Variants in ABL2 observed in about 807,000 individuals in gnomAD.
ABL2 encodes ABL proto-oncogene 2, non-receptor tyrosine kinase, also known as tyrosine-protein kinase ABL2.
In ABL2, 49 loss-of-function variants were observed where a neutral mutation model predicts 107.7. The observed-to-expected ratio is 0.45, with a 90% CI of 0.36 to 0.58. The LOEUF (loss-of-function observed/expected upper bound fraction) is 0.58. Among genes scored for constraint, ABL2 ranks in the 20% least tolerant of loss-of-function variants. ABL2 has a pLI of 0.00. For synonymous variants in ABL2, 549 were observed against 548.6 expected (o/e 1.00, Z -0.01); for missense variants, 1,245 against 1,457.0 (o/e 0.85, Z 2.37).
chr1:179,184,542 G>T, intron 1 of ABL2: 2 of 581,142 alleles, frequency 3.4e-6, no homozygotes, highest in South Asian at 1.9e-5. Flanking sequence ...CTTGGTTACC[G>T]ACTGATATGG....
chr1:179,114,741 AT>A, intron 9 of ABL2, 136 bp downstream of exon 9: 1 of 875,868 alleles, frequency 1.1e-6, no homozygotes, highest in Non-Finnish European at 1.6e-6. Flanking sequence ...CAACTGGCTG[AT>A]CAATGATAAA....
intron 7 of ABL2, among the ~76,000 whole-genome samples, chr1:179,118,134 T>C (rs934838153): frequency 1.3e-5 from 2 of 148,696 alleles, no homozygotes; most frequent in Admixed American, 1.4e-4. Context: ...GCCTGGGCGA[T>C]GGAGCCAGCC....
intron 1 of ABL2, among the ~76,000 whole-genome samples, chr1:179,174,895 C>CAAAA (rs1161355678): frequency 3.0e-5 from 1 of 33,692 alleles, no homozygotes; most frequent in Non-Finnish European, 6.2e-5. Flanking sequence ...GACTCTGTCT[C>CAAAA]AAAAAAAAAA....
intron 1 of ABL2, among the ~76,000 whole-genome samples, chr1:179,143,686 A>G (rs1308125449): frequency 6.6e-6 from 1 of 152,194 alleles, no homozygotes; most frequent in Non-Finnish European, 1.5e-5. Flanking sequence ...TTATTTACTT[A>G]TTTATTTTTA....
chr1:179,187,888 A>C (rs1389732450), intron 1 of ABL2, among the ~76,000 whole-genome samples: 1 of 151,952 alleles, frequency 6.6e-6, no homozygotes, highest in Non-Finnish European at 1.5e-5. Flanking sequence ...AACCCTATAA[A>C]CTCTCCAAAA....
At chr1:179,187,452 A>C (rs1486505340) in intron 1 of ABL2, among the ~76,000 whole-genome samples, 2 of 152,208 alleles carry the variant, frequency 1.3e-5, no homozygotes, top group African/African-American at 4.8e-5. Context: ...GGGAGGAAAA[A>C]ATAGTACCCA....
chr1:179,102,766 TCA>T lies in ABL2; in HGVS notation c.*4950_*4951del. On this transcript the variant is annotated 3_prime_UTR_variant, in exon 12 of 12. Coordinates refer to ENST00000502732, the MANE Select transcript of ABL2 (RefSeq NM_007314.4). ...GGTCATAATGAAATGTAGCTATAAT[TCA>T]GAAGTGGCCACCAAGGCAATTTACT... 1 of 229,706 alleles carries T rather than the reference TCA, an allele frequency of 4.4e-6. No individual in the cohort carries two copies. Among genetic ancestry groups the T allele is most frequent in the Non-Finnish European group, 8.6e-6 (1 of 115,934 alleles). 14.2% of individuals were successfully genotyped at this position (229,706 alleles called of 1,614,324 possible).
chr1:179,215,656 C>A lies in ABL2; in HGVS notation c.157+13585G>T, dbSNP rs1178159298. On this transcript the variant is annotated intron_variant, in intron 1 of 11. Transcript: ENST00000502732. ...GTTGTAGTGAGCTGAGATCATGCCA[C>A]TGCACTCCAGCCTGGGCAACAGAGC... Among the ~76,000 whole-genome samples the A allele has an allele frequency of 2.0e-5, 3 of 151,772 alleles. No individual in the cohort carries two copies. In the East Asian group the frequency reaches 5.8e-4, roughly 30 times the overall value.
At chr1:179,225,858 G>A (rs1248922027) in intron 1 of ABL2, among the ~76,000 whole-genome samples, 1 of 151,766 alleles carries the variant, frequency 6.6e-6, no homozygotes, top group Non-Finnish European at 1.5e-5. Flanking sequence ...TGGCTAACAC[G>A]GTGAAACCCT....
intron 1 of ABL2, among the ~76,000 whole-genome samples, chr1:179,161,370 A>AG (rs397781028): frequency 2.0e-5 from 3 of 151,020 alleles, no homozygotes; most frequent in Non-Finnish European, 4.4e-5. Context: ...AAAAAAAAAA[A>AG]GGAAAAACAG....
At position 179,110,318 on chromosome 1, in the gene ABL2, C is replaced by T. The variant is rs1653924344; in HGVS notation, c.1789G>A (p.Asp597Asn). ...ENKENIEGAQ[D>N]ATENSASSLA... ...CTGGAAGCAGAATTTTCTGTGGCAT[C>T]TTGTGCCCCTTCAATGTTCTCCTTG... Residue 597 changes from aspartate (D) to asparagine (N), a missense_variant, in exon 11 of 12, where the codon GAT becomes AAT. Asp to Asn is a conservative substitution (Grantham distance 23). This residue lies in a region of ABL2 where 761 missense variants were observed against 766.4 expected (regional missense o/e 0.99). Transcript: ENST00000502732. 3 of 1,614,222 alleles carry T rather than the reference C, an allele frequency of 1.9e-6. No individual in the cohort carries two copies. Among genetic ancestry groups the T allele is most frequent in the Non-Finnish European group, 2.5e-6 (3 of 1,180,042 alleles).
intron 1 of ABL2, among the ~76,000 whole-genome samples, chr1:179,186,841 A>T (rs770918788): frequency 6.6e-6 from 1 of 151,734 alleles, no homozygotes; most frequent in Admixed American, 6.6e-5. Context: ...GGTTCAAGCA[A>T]TTCTTAGGCC....
chr1:179,215,515 C>T (rs1662512478), intron 1 of ABL2, among the ~76,000 whole-genome samples: 1 of 152,060 alleles, frequency 6.6e-6, no homozygotes, highest in Admixed American at 6.6e-5. Flanking sequence ...GGGTGGATCA[C>T]TTGAGGCCTG....
chr1:179,156,865 G>GA (rs1390996847), intron 1 of ABL2, among the ~76,000 whole-genome samples: 1 of 149,980 alleles, frequency 6.7e-6, no homozygotes, highest in Non-Finnish European at 1.5e-5. Context: ...GCAACAGAGT[G>GA]AGTGAGAGTC....
At position 179,167,051 on chromosome 1, in the gene ABL2, G is replaced by T. The variant is rs1571234686; in HGVS notation, c.158-33677C>A. Among the ~76,000 whole-genome samples, 3 of 152,102 alleles carry T rather than the reference G, an allele frequency of 2.0e-5. No individual in the cohort carries two copies. In the East Asian group the frequency reaches 5.8e-4, roughly 29 times the overall value. ...CACGATCCTGCAATCCCACTACTAG[G>T]TATTAATCCAAAGGAAAAGAAATTA... On this transcript the variant is annotated intron_variant, in intron 1 of 11. Coordinates refer to ENST00000502732, the MANE Select transcript of ABL2 (RefSeq NM_007314.4).
intron 1 of ABL2, among the ~76,000 whole-genome samples, chr1:179,161,726 A>C (rs1242030473): frequency 1.3e-5 from 2 of 152,134 alleles, no homozygotes; most frequent in African/African-American, 4.8e-5. Context: ...AGAAATAACG[A>C]GTACTTATCA....
Position 179,107,376 on chromosome 1 carries a change from C to G in ABL2, c.*342G>C, listed in dbSNP as rs1267618052. ...CAGGTCTGGGTGCAGCTGCTGCAGTCTTGCTGAGAGCAGCCCTGCCTAGCA... is the reference window on the plus strand; with the variant it reads ...CAGGTCTGGGTGCAGCTGCTGCAGTGTTGCTGAGAGCAGCCCTGCCTAGCA... On this transcript the variant is annotated 3_prime_UTR_variant, in exon 12 of 12. Transcript: ENST00000502732. The G allele has an allele frequency of 6.8e-6, 2 of 293,740 alleles. No homozygotes were observed. The highest frequency in any genetic ancestry group is 1.0e-4 in the East Asian group (2 of 19,936). The allele number at this position is 293,740 out of a possible 1,614,324, so 18.2% of individuals were successfully genotyped here.
intron 4 of ABL2, among the ~76,000 whole-genome samples, chr1:179,125,576 G>C (rs1397773165): frequency 1.3e-5 from 2 of 152,150 alleles, no homozygotes; most frequent in Admixed American, 6.6e-5. Context: ...GTGCAAAAGT[G>C]AAAGAAAATT....
Position 179,105,660 on chromosome 1 carries a change from G to A in ABL2, c.*2058C>T, listed in dbSNP as rs762636938. 1.0e-4 allele frequency: 23 copies of A among 226,824 alleles called. No individual in the cohort carries two copies. Among genetic ancestry groups the A allele is most frequent in the Admixed American group, 5.7e-4 (10 of 17,564 alleles). 14.1% of individuals were successfully genotyped at this position (226,824 alleles called of 1,614,324 possible). A position where few individuals can be genotyped will look rare whatever the true frequency, so the allele number is the denominator to read the frequency against. Reference sequence around the variant, plus strand: ...ACACCTGCCAGGAATGCCCAGCACCGCGTGTCTCCTCTAATCCTCTTAACC... The same window carrying A: ...ACACCTGCCAGGAATGCCCAGCACCACGTGTCTCCTCTAATCCTCTTAACC... On this transcript the variant is annotated 3_prime_UTR_variant, in exon 12 of 12. Coordinates refer to ENST00000502732, the MANE Select transcript of ABL2 (RefSeq NM_007314.4).
Sources: gnomAD v4.1 joint callset for allele counts (sites outside exome capture counted in the v4.1 genomes callset) on GRCh38, gnomAD v4.1.1 for gene constraint, gnomAD v4.1.1 regional missense constraint, MANE v1.5 for transcripts, NCBI Gene and HGNC (gene_info 2026-07-23, HGNC 2026-07-21) for gene names.